PARM1: variants seen among roughly 807,000 people sequenced by gnomAD.
PARM1 encodes WSC4, cell wall integrity and stress response component 4 homolog.
A neutral mutation model predicts 24.6 loss-of-function variants in PARM1; 14 were observed. The ratio of observed to expected loss-of-function variants is 0.57; its 90% CI spans 0.38 to 0.89. The LOEUF is 0.89. Among genes scored for constraint, PARM1 ranks in the 40% least tolerant of loss-of-function variants. PARM1 has a pLI of 0.00. For synonymous variants in PARM1, 179 were observed against 156.6 expected (o/e 1.14, Z -1.07); for missense variants, 362 against 380.4 (o/e 0.95, Z 0.40).
intron 1 of PARM1, among the ~76,000 whole-genome samples, chr4:74,979,482 C>T (rs7440375): frequency 0.21 from 32,193 of 151,798 alleles, 4,188 homozygotes; most frequent in African/African-American, 0.35. Context: ...GCCTACCAAC[C>T]AAAAAAAGCT....
At chr4:75,020,308 T>C (rs1327405325) in intron 2 of PARM1, among the ~76,000 whole-genome samples, 1 of 152,150 alleles carries the variant, frequency 6.6e-6, no homozygotes, top group Non-Finnish European at 1.5e-5. Context: ...CCAGACCTGG[T>C]CGTCTTACGG....
At chr4:75,030,107 C>G (rs1723248129) in intron 2 of PARM1, among the ~76,000 whole-genome samples, 1 of 152,112 alleles carries the variant, frequency 6.6e-6, no homozygotes, top group Non-Finnish European at 1.5e-5. Context: ...TCTGAGAACA[C>G]AGAGCAACAC....
At chr4:75,038,549 C>T (rs535433374) in intron 3 of PARM1, among the ~76,000 whole-genome samples, 1 of 152,324 alleles carries the variant, frequency 6.6e-6, no homozygotes, top group East Asian at 1.9e-4. Flanking sequence ...GGCACAGCAG[C>T]TCATTTCCTA....
chr4:74,934,437 T>TC lies in PARM1; in HGVS notation c.43+1068dup, dbSNP rs1245489299. ...TTCCTACAGTTGTGGACACGAGTCG[T>TC]CGCAATCCCTTGAAAAGAAGCTAGC... On this transcript the variant is annotated intron_variant, in intron 1 of 3. Transcript: ENST00000307428. Among the ~76,000 whole-genome samples, 7 of 152,340 alleles carry TC rather than the reference T, an allele frequency of 4.6e-5. No homozygotes were observed. In the East Asian group the frequency reaches 1.4e-3, roughly 29 times the overall value.
At chr4:75,030,876 C>T (rs1397253294) in intron 2 of PARM1, among the ~76,000 whole-genome samples, 1 of 152,170 alleles carries the variant, frequency 6.6e-6, no homozygotes, top group Non-Finnish European at 1.5e-5. Flanking sequence ...TCTGTCCCTT[C>T]CTCATATTGA....
chr4:75,021,421 A>G (rs765850048), intron 2 of PARM1, among the ~76,000 whole-genome samples: 4 of 148,460 alleles, frequency 2.7e-5, no homozygotes, highest in African/African-American at 1.0e-4. Context: ...TCTCACTCAT[A>G]TTTTTTTCTT....
At chr4:75,003,215 G>A (rs1331892414) in intron 1 of PARM1, among the ~76,000 whole-genome samples, 2 of 151,952 alleles carry the variant, frequency 1.3e-5, no homozygotes, top group Non-Finnish European at 2.9e-5. Flanking sequence ...GACATTCGTT[G>A]GCGTCCTTGC....
At chr4:74,999,008 G>A (rs888305425) in intron 1 of PARM1, 6 of 152,238 alleles carry the variant, frequency 3.9e-5, no homozygotes, top group African/African-American at 1.4e-4. Flanking sequence ...TGTCCCTGAC[G>A]GGAAAGAGCG....
At position 75,012,482 on chromosome 4, in the gene PARM1, A is replaced by C. The variant is rs1722888387; in HGVS notation, c.101A>C (p.Asn34Thr). ...CCTTTGTCTGTTTCTCTTCCGACAA[A>C]CATTGTACCACCGACCACCATCTGG... ...SAPLSVSLPT[N>T]IVPPTTIWTS... The change falls in exon 2 of 4, where the codon AAC becomes ACC. Residue 34 changes from asparagine to threonine, a missense_variant. Transcript: ENST00000307428. The C allele has an allele frequency of 6.2e-7, 1 of 1,613,850 alleles. No individual in the cohort carries two copies. The highest frequency in any genetic ancestry group is 2.2e-5 in the East Asian group (1 of 44,872).
intron 1 of PARM1, among the ~76,000 whole-genome samples, chr4:74,963,811 A>T (rs919562865): frequency 5.3e-5 from 8 of 152,202 alleles, no homozygotes; most frequent in African/African-American, 1.9e-4. Flanking sequence ...CAAATTTTGT[A>T]ATATGTTTAC....
At chr4:75,022,704 A>G (rs1723109831) in intron 2 of PARM1, among the ~76,000 whole-genome samples, 2 of 152,204 alleles carry the variant, frequency 1.3e-5, no homozygotes, top group African/African-American at 2.4e-5. Flanking sequence ...ATATGCCAGG[A>G]TATGGATATG....
chr4:74,944,023 C>T (rs1283754262), intron 1 of PARM1, among the ~76,000 whole-genome samples: 3 of 152,092 alleles, frequency 2.0e-5, no homozygotes, highest in African/African-American at 7.2e-5. Context: ...TCAAATAAAA[C>T]CTGCACCTTA....
chr4:74,947,518 C>T (rs534592940), intron 1 of PARM1, among the ~76,000 whole-genome samples: 4 of 152,146 alleles, frequency 2.6e-5, no homozygotes, highest in Non-Finnish European at 5.9e-5. Context: ...ATTTGTAAGA[C>T]GATGGTGAAT....
chr4:74,958,443 A>G (rs1243664520), intron 1 of PARM1, among the ~76,000 whole-genome samples: 1 of 152,184 alleles, frequency 6.6e-6, no homozygotes, highest in African/African-American at 2.4e-5. Flanking sequence ...ATTTTACTTG[A>G]TGAAGAAGTA....
At chr4:75,037,483 C>G (rs1723395469) in intron 3 of PARM1, among the ~76,000 whole-genome samples, 1 of 152,218 alleles carries the variant, frequency 6.6e-6, no homozygotes, top group Non-Finnish European at 1.5e-5. Context: ...CCTCTAAAGG[C>G]ATTGTAAACT....
At chr4:75,042,696 G>A (rs941207373) in intron 3 of PARM1, among the ~76,000 whole-genome samples, 2 of 151,802 alleles carry the variant, frequency 1.3e-5, no homozygotes, top group African/African-American at 4.8e-5. Flanking sequence ...AGTTTTACAT[G>A]CTCACTAATT....
intron 1 of PARM1, among the ~76,000 whole-genome samples, chr4:75,003,079 C>G (rs932645274): frequency 6.6e-6 from 1 of 152,222 alleles, no homozygotes. Flanking sequence ...CTCCCCACCA[C>G]CCATGCCCAT....
Position 74,934,356 on chromosome 4 carries a change from G to A in PARM1, c.43+986G>A, listed in dbSNP as rs1280549322. ...TAAATGTGACCCAAAGTCACATAGC[G>A]CAAACCGATTCTACTCGTGCTTTAG... On this transcript the variant is annotated intron_variant, in intron 1 of 3. Transcript: ENST00000307428. 2.6e-5 allele frequency among the ~76,000 whole-genome samples: 4 copies of A among 152,152 alleles called. No individual in the cohort carries two copies. The East Asian group carries it at 5.8e-4, about 22-fold the overall frequency.
intron 1 of PARM1, among the ~76,000 whole-genome samples, chr4:74,979,708 A>G (rs1286112515): frequency 1.3e-5 from 2 of 152,170 alleles, no homozygotes; most frequent in Non-Finnish European, 2.9e-5. Flanking sequence ...ATCAATGCAA[A>G]AATCCTCAAT....
Sources: gnomAD v4.1 joint callset for allele counts (sites outside exome capture counted in the v4.1 genomes callset) on GRCh38, gnomAD v4.1.1 for gene constraint, MANE v1.5 for transcripts, NCBI Gene and HGNC (gene_info 2026-07-23, HGNC 2026-07-21) for gene names.